The following TRIM34 variants were observed in gnomAD, a reference collection of about 807,000 sequenced individuals.
TRIM34 encodes the protein tripartite motif containing 34.
A neutral mutation model predicts 38.1 loss-of-function variants in TRIM34; 41 were observed. That is an observed-to-expected ratio of 1.08 (90% CI 0.84 to 1.40). The LOEUF (loss-of-function observed/expected upper bound fraction) is 1.40, where lower values mean the gene tolerates loss of function less well. TRIM34 is among the 40% of genes most tolerant of loss of function. The pLI, the probability that TRIM34 is intolerant of heterozygous loss-of-function variation, is 0.00. For synonymous variants in TRIM34, 200 were observed against 202.5 expected (o/e 0.99, Z 0.10); for missense variants, 556 against 571.4 (o/e 0.97, Z 0.27).
intron 1 of TRIM34, among the ~76,000 whole-genome samples, chr11:5,626,274 G>A (rs1849224593): frequency 6.6e-6 from 1 of 152,086 alleles, no homozygotes; most frequent in Non-Finnish European, 1.5e-5. Flanking sequence ...AATATACGTG[G>A]AAGCCTACAT....
chr11:5,628,910 C>G (rs748018839), intron 1 of TRIM34, among the ~76,000 whole-genome samples: 4 of 151,932 alleles, frequency 2.6e-5, no homozygotes, highest in Non-Finnish European at 5.9e-5. Context: ...TATATCTGTG[C>G]TATTCCCATC....
At chr11:5,619,946 C>G (rs1223539339) in exon 1 of TRIM34, 6 of 150,976 alleles carry the variant, frequency 4.0e-5, no homozygotes, top group Non-Finnish European at 7.4e-5. Context: ...GTGATCCACC[C>G]GCCTCAGCCT....
chr11:5,641,440 G>A lies in TRIM34; in HGVS notation c.773+251G>A, dbSNP rs965584780. 1.4e-5 allele frequency: 13 copies of A among 931,348 alleles called. No individual in the cohort carries two copies. In the South Asian group the frequency reaches 3.7e-4, roughly 26 times the overall value. The allele number at this position is 931,348 out of a possible 1,614,324, so 57.7% of individuals were successfully genotyped here. On this transcript the variant is annotated intron_variant, in intron 5 of 7. Coordinates refer to ENST00000429814, the MANE Select transcript of TRIM34 (RefSeq NM_021616.6). ...GCCAAAAAGGATATTAAGGATGAGAGCTTTTACTGTCAGACTTCGGTGACT... is the reference window on the plus strand; with the variant it reads ...GCCAAAAAGGATATTAAGGATGAGAACTTTTACTGTCAGACTTCGGTGACT...
upstream of TRIM34, among the ~76,000 whole-genome samples, chr11:5,621,820 G>A (rs557032408): frequency 3.3e-4 from 51 of 152,240 alleles, no homozygotes; most frequent in African/African-American, 1.2e-3. Flanking sequence ...ACCAACCTGT[G>A]ACCTGGAAGC....
At position 5,632,700 on chromosome 11, in the gene TRIM34, G is replaced by A; in HGVS notation, c.369G>A (p.Gln123=). The A allele has an allele frequency of 6.2e-7, 1 of 1,612,476 alleles. No individual in the cohort carries two copies. The highest frequency in any genetic ancestry group is 8.5e-7 in the Non-Finnish European group (1 of 1,179,744). ...KVICWLCERS[Q]EHRGHHTVLT... ...TTTGCTGGCTTTGTGAGCGGTCTCA[G>A]GAGCACCGTGGTCACCACACAGTCC... Residue 123 remains glutamine (Q), a synonymous_variant, in exon 2 of 8, where the codon CAG becomes CAA. Transcript: ENST00000429814.
intron 1 of TRIM34, among the ~76,000 whole-genome samples, 167 bp from the exon 2 acceptor site, chr11:5,632,088 C>A (rs1395975288): frequency 6.6e-6 from 1 of 152,158 alleles, no homozygotes; most frequent in African/African-American, 2.4e-5. Context: ...GTGCAAAAGC[C>A]TTGAGGCATT....
chr11:5,630,574 CG>C lies in TRIM34; in HGVS notation c.-77-1677del, dbSNP rs557179550. On this transcript the variant is annotated intron_variant, in intron 1 of 7. Transcript: ENST00000429814. Reference sequence around the variant, plus strand: ...GTTATGATGCTATGTCCTCCATGAACGGGGCATTCACTTCCATGATTCCTTC... The same window carrying C: ...GTTATGATGCTATGTCCTCCATGAACGGGCATTCACTTCCATGATTCCTTC... Among the ~76,000 whole-genome samples, 246 of 152,290 alleles carry C rather than the reference CG, an allele frequency of 1.6e-3. 3 individuals carry two copies. Among genetic ancestry groups the C allele is most frequent in the Non-Finnish European group, 2.7e-3 (185 of 68,020 alleles).
chr11:5,643,652 A>G lies in TRIM34; in HGVS notation c.1410A>G (p.Pro470=). ...GTTGCTTTTCTCAGCCTGTTTATCC[A>G]TATTTCAATCCTTGGAACTGTCCAG... is the stretch of plus-strand genomic sequence containing the variant. ...SKCCFSQPVY[P]YFNPWNCPAP... Residue 470 remains proline, a synonymous_variant, in exon 8 of 8, where the codon CCA becomes CCG. Coordinates refer to ENST00000429814, the MANE Select transcript of TRIM34 (RefSeq NM_021616.6). 1.2e-6 allele frequency: 2 copies of G among 1,613,984 alleles called. No individual in the cohort carries two copies. Among genetic ancestry groups the G allele is most frequent in the Admixed American group, 1.7e-5 (1 of 59,996 alleles).
At chr11:5,629,397 G>A (rs1849383089) in intron 1 of TRIM34, among the ~76,000 whole-genome samples, 2 of 152,162 alleles carry the variant, frequency 1.3e-5, no homozygotes, top group African/African-American at 4.8e-5. Flanking sequence ...ATTCACATAA[G>A]TGAACAATTT....
chr11:5,629,590 T>C (rs1849389865), intron 1 of TRIM34, among the ~76,000 whole-genome samples: 1 of 152,208 alleles, frequency 6.6e-6, no homozygotes, highest in African/African-American at 2.4e-5. Flanking sequence ...CAAGCAATAA[T>C]TGCAGGTTTG....
At chr11:5,638,111 ATTATT>A (rs1467468361) in intron 4 of TRIM34, among the ~76,000 whole-genome samples, 1 of 152,042 alleles carries the variant, frequency 6.6e-6, no homozygotes, top group Non-Finnish European at 1.5e-5. Context: ...CCACACAGTG[ATTATT>A]TTAAGTTGGA....
intron 1 of TRIM34, 152 bp from the exon 2 acceptor site, chr11:5,632,103 G>T: frequency 9.5e-7 from 1 of 1,049,902 alleles, no homozygotes; most frequent in Non-Finnish European, 1.3e-6. Flanking sequence ...GGCATTAACA[G>T]CTCGCCCAGA....
chr11:5,642,305 T>C, intron 5 of TRIM34, 101 bp from the exon 6 acceptor site: 1 of 1,069,100 alleles, frequency 9.4e-7, no homozygotes, highest in Non-Finnish European at 1.4e-6. Context: ...GGGAGAAGGG[T>C]TCAAGTGCAT....
At chr11:5,621,739 A>G (rs1315966213), upstream of TRIM34, among the ~76,000 whole-genome samples, 1 of 152,186 alleles carries the variant, frequency 6.6e-6, no homozygotes, top group Non-Finnish European at 1.5e-5. Context: ...TCACTGACAT[A>G]AATGCCTATC....
Position 5,643,650 on chromosome 11 carries a change from C to G in TRIM34, c.1408C>G (p.Pro470Ala), listed in dbSNP as rs1377127220. The G allele has an allele frequency of 2.5e-6, 4 of 1,613,968 alleles. No individual in the cohort carries two copies. The highest frequency in any genetic ancestry group is 3.4e-6 in the Non-Finnish European group (4 of 1,179,952). ...SKCCFSQPVY[P>A]YFNPWNCPAP... is the part of the protein sequence containing the mutation. The stretch of plus-strand genomic sequence containing the variant: ...ATGTTGCTTTTCTCAGCCTGTTTAT[C>G]CATATTTCAATCCTTGGAACTGTCC... Residue 470 changes from proline (P) to alanine (A), a missense_variant, in exon 8 of 8, where the codon CCA (proline) becomes GCA (alanine). Transcript: ENST00000429814.
Position 5,642,457 on chromosome 11 carries a change from G to C in TRIM34, c.825G>C (p.Lys275Asn), listed in dbSNP as rs780484823. 6.2e-7 allele frequency: 1 copy of C among 1,613,772 alleles called. No individual in the cohort carries two copies. Among genetic ancestry groups the C allele is most frequent in the African/African-American group, 1.3e-5 (1 of 75,036 alleles). Residue 275 changes from lysine to asparagine, a missense_variant, in exon 6 of 8, where the codon AAG becomes AAC. Transcript: ENST00000429814. ...CAAAAATGGTTTCCAAGAAACTGAA[G>C]ACTGTATTCCATGCTCCAGATCTGA... is the stretch of plus-strand genomic sequence containing the variant. ...KKPKMVSKKL[K>N]TVFHAPDLSR...
intron 3 of TRIM34, 101 bp from the exon 4 acceptor site, chr11:5,634,530 C>CACACATATATATATATATATATAT (rs1491498839): frequency 6.4e-5 from 13 of 203,906 alleles, no homozygotes; most frequent in African/African-American, 4.5e-4. Flanking sequence ...CACACACACA[C>CACACATATATATATATATATATAT]ATATATATAT....
intron 3 of TRIM34, 101 bp from the exon 4 acceptor site, chr11:5,634,530 C>CACACACACACATATATATATAT (rs1491498839): frequency 9.8e-6 from 2 of 203,886 alleles, no homozygotes; most frequent in African/African-American, 6.9e-5. Context: ...CACACACACA[C>CACACACACACATATATATATAT]ATATATATAT....
chr11:5,634,492 TACACACACACACACACACACACACACAC>T, intron 3 of TRIM34, 111 bp from the exon 4 acceptor site: 1 of 227,110 alleles, frequency 4.4e-6, no homozygotes, highest in Non-Finnish European at 7.6e-6. Context: ...ATAATATAAA[TACACACACACACACACACACACACACAC>T]ACACACACAC....
Sources: allele counts gnomAD v4.1 joint callset (sites outside exome capture counted in the v4.1 genomes callset), GRCh38; gene constraint gnomAD v4.1.1; transcripts MANE v1.5; gene names NCBI Gene and HGNC (gene_info 2026-07-23, HGNC 2026-07-21).